Variants in GPC6 observed in about 807,000 individuals in gnomAD.
GPC6 encodes glypican-6.
Under a neutral mutation model 55.2 loss-of-function variants are expected in GPC6, and 14 were observed. The ratio of observed to expected loss-of-function variants is 0.25; its 90% CI spans 0.17 to 0.40. The LOEUF (loss-of-function observed/expected upper bound fraction) is 0.40, where lower values mean the gene tolerates loss of function less well. Ranked by LOEUF, GPC6 falls within the 10% of genes least tolerant of loss-of-function variation. The pLI, the probability that GPC6 is intolerant of heterozygous loss-of-function variation, is 1.00. For missense variants in GPC6, 641 were observed against 708.5 expected, an observed-to-expected ratio of 0.90 and a Z score of 1.08; for synonymous variants, 278 against 259.6, an observed-to-expected ratio of 1.07 and a Z score of -0.68.
chr13:94,208,984 A>G (rs1889991652), intron 4 of GPC6, among the ~76,000 whole-genome samples: 1 of 152,070 alleles, frequency 6.6e-6, no homozygotes, highest in Non-Finnish European at 1.5e-5. Flanking sequence ...TTTTATTAAG[A>G]TAACATCATA....
At chr13:94,116,108 A>G (rs1209157081) in intron 4 of GPC6, among the ~76,000 whole-genome samples, 3 of 152,280 alleles carry the variant, frequency 2.0e-5, no homozygotes, top group African/African-American at 7.2e-5. Context: ...GTTATAATTT[A>G]GTAATTTAGT....
chr13:93,595,082 A>G (rs368419966), intron 2 of GPC6, among the ~76,000 whole-genome samples: 33 of 152,250 alleles, frequency 2.2e-4, no homozygotes, highest in African/African-American at 7.2e-4. Context: ...TTTTCTATGT[A>G]GTTTGCTAGG....
chr13:94,026,256 C>T (rs976092205), intron 3 of GPC6, among the ~76,000 whole-genome samples: 1 of 152,082 alleles, frequency 6.6e-6, no homozygotes, highest in African/African-American at 2.4e-5. Flanking sequence ...AAACCAAAGG[C>T]TTGCATTAAG....
intron 6 of GPC6, among the ~76,000 whole-genome samples, chr13:94,361,643 TG>T (rs2139181530): frequency 6.6e-6 from 1 of 152,388 alleles, no homozygotes; most frequent in Non-Finnish European, 1.5e-5. Flanking sequence ...GACAGGCCTT[TG>T]GCCAATAACA....
intron 3 of GPC6, among the ~76,000 whole-genome samples, chr13:93,870,563 A>G (rs1436803701): frequency 6.6e-6 from 1 of 151,856 alleles, no homozygotes; most frequent in Non-Finnish European, 1.5e-5. Context: ...CCCTAAATTC[A>G]TATGTTGAAG....
intron 3 of GPC6, among the ~76,000 whole-genome samples, chr13:93,852,026 A>T (rs955745868): frequency 2.0e-5 from 3 of 151,796 alleles, no homozygotes; most frequent in African/African-American, 7.2e-5. Flanking sequence ...CATAGAGGTG[A>T]AAAAAGCAAA....
At chr13:93,459,702 C>T (rs181650242) in intron 1 of GPC6, among the ~76,000 whole-genome samples, 5 of 152,222 alleles carry the variant, frequency 3.3e-5, no homozygotes, top group African/African-American at 1.2e-4. Flanking sequence ...ATTTTGTGTG[C>T]TCTCGATCCT....
intron 4 of GPC6, among the ~76,000 whole-genome samples, chr13:94,080,825 C>G (rs1427954346): frequency 6.6e-6 from 1 of 152,182 alleles, no homozygotes; most frequent in East Asian, 1.9e-4. Context: ...AAAACTTGAT[C>G]TCCAACCACA....
At chr13:94,261,434 T>G (rs1891655103) in intron 4 of GPC6, among the ~76,000 whole-genome samples, 1 of 152,210 alleles carries the variant, frequency 6.6e-6, no homozygotes, top group South Asian at 2.1e-4. Flanking sequence ...AATTGACAAA[T>G]ACAAGACATT....
intron 3 of GPC6, among the ~76,000 whole-genome samples, chr13:93,889,941 GATAC>G (rs1875567009): frequency 6.6e-6 from 1 of 151,806 alleles, no homozygotes; most frequent in African/African-American, 2.4e-5. Context: ...CATTCATAAA[GATAC>G]ATACCATTCT....
intron 1 of GPC6, among the ~76,000 whole-genome samples, chr13:93,337,209 A>G (rs930098468): frequency 5.3e-5 from 8 of 152,168 alleles, no homozygotes; most frequent in Admixed American, 3.9e-4. Context: ...CTGTGAAATT[A>G]TTGAGTTTGT....
intron 4 of GPC6, among the ~76,000 whole-genome samples, chr13:94,123,501 C>G (rs563243910): frequency 4.9e-4 from 75 of 152,158 alleles, no homozygotes; most frequent in African/African-American, 1.6e-3. Flanking sequence ...ATAGTCATCT[C>G]TTGTTGCATA....
At chr13:94,299,652 G>A (rs531379905) in intron 5 of GPC6, among the ~76,000 whole-genome samples, 46 of 152,184 alleles carry the variant, frequency 3.0e-4, no homozygotes, top group Non-Finnish European at 5.9e-4. Context: ...GAGGGCCCTC[G>A]CCAGATACCA....
chr13:94,274,234 A>G (rs893862103), intron 4 of GPC6, among the ~76,000 whole-genome samples: 4 of 152,212 alleles, frequency 2.6e-5, no homozygotes, highest in South Asian at 2.1e-4. Context: ...CTGCAGTGTT[A>G]TAGCAAAATA....
chr13:93,368,315 CCCTCCT>C (rs1183402216), intron 1 of GPC6, among the ~76,000 whole-genome samples: 98 of 131,024 alleles, frequency 7.5e-4, no homozygotes, highest in African/African-American at 2.5e-3. Flanking sequence ...TTCCCTCCTT[CCCTCCT>C]TCCCTCCCTC....
At chr13:93,797,133 T>C (rs1336647839) in intron 2 of GPC6, among the ~76,000 whole-genome samples, 1 of 81,140 alleles carries the variant, frequency 1.2e-5, no homozygotes, top group Non-Finnish European at 2.6e-5. Context: ...GGGCCATAAT[T>C]ATAGTTCCCT....
chr13:93,451,985 T>TA (rs796529014), intron 1 of GPC6, among the ~76,000 whole-genome samples: 5 of 152,146 alleles, frequency 3.3e-5, no homozygotes, highest in Non-Finnish European at 7.4e-5. Context: ...ATGCTAACAA[T>TA]AAAAAATAAT....
chr13:93,317,827 T>G (rs1258473763), intron 1 of GPC6, among the ~76,000 whole-genome samples: 1 of 152,182 alleles, frequency 6.6e-6, no homozygotes, highest in Non-Finnish European at 1.5e-5. Context: ...TTTTTCCTTT[T>G]GGAATTTCTT....
intron 3 of GPC6, among the ~76,000 whole-genome samples, chr13:93,904,973 G>T (rs947681577): frequency 1.5e-5 from 2 of 129,954 alleles, no homozygotes; most frequent in Admixed American, 1.9e-4. Flanking sequence ...TCCCCTTCCT[G>T]TGTCCATGTG....
Sources: allele counts gnomAD v4.1 joint callset (sites outside exome capture counted in the v4.1 genomes callset), GRCh38; gene constraint gnomAD v4.1.1; transcripts MANE v1.5; gene names NCBI Gene and HGNC (gene_info 2026-07-23, HGNC 2026-07-21).